FBXL20: variants seen among roughly 807,000 people sequenced by gnomAD.
FBXL20 encodes the protein F-box and leucine rich repeat protein 20.
FBXL20 carries 11 observed loss-of-function variants against 64.0 expected under a neutral mutation model. The observed-to-expected ratio is 0.17, with a 90% CI of 0.11 to 0.28. The LOEUF is 0.28. FBXL20 is among the 10% of genes least tolerant of loss of function. The pLI is 1.00. For missense variants in FBXL20, 303 were observed against 526.2 expected, an observed-to-expected ratio of 0.58 and a Z score of 4.15; for synonymous variants, 184 against 189.0, an observed-to-expected ratio of 0.97 and a Z score of 0.22.
intron 9 of FBXL20, among the ~76,000 whole-genome samples, chr17:39,277,754 C>CAAAAAAAAAAAAAAAAAAAATA (rs2046911763): frequency 1.1e-5 from 1 of 89,936 alleles, no homozygotes; most frequent in Non-Finnish European, 2.1e-5. Flanking sequence ...AACTCCGTCT[C>CAAAAAAAAAAAAAAAAAAAATA]AAAAAAAAAA....
At chr17:39,358,447 C>G (rs2047762674) in intron 1 of FBXL20, among the ~76,000 whole-genome samples, 1 of 152,168 alleles carries the variant, frequency 6.6e-6, no homozygotes, top group East Asian at 1.9e-4. Context: ...CTTTGGGAGG[C>G]TGAGGTGGGT....
chr17:39,336,321 A>G (rs1185626792), intron 2 of FBXL20, among the ~76,000 whole-genome samples: 1 of 152,214 alleles, frequency 6.6e-6, no homozygotes, highest in East Asian at 1.9e-4. Flanking sequence ...CAAATGTTGT[A>G]TATTTATTAA....
At chr17:39,298,918 T>C (rs980703050) in intron 5 of FBXL20, 72 bp downstream of exon 5, 2 of 1,213,388 alleles carry the variant, frequency 1.6e-6, no homozygotes, top group Non-Finnish European at 2.4e-6. Flanking sequence ...TTAACGATTT[T>C]AGCCTTTTCT....
intron 1 of FBXL20, among the ~76,000 whole-genome samples, chr17:39,363,245 C>G (rs1354595287): frequency 6.6e-6 from 1 of 151,840 alleles, no homozygotes; most frequent in Non-Finnish European, 1.5e-5. Context: ...AACTCCCAAC[C>G]TCAGGTGATC....
At chr17:39,288,946 GCCCA>G (rs2047012891) in intron 6 of FBXL20, among the ~76,000 whole-genome samples, 1 of 152,074 alleles carries the variant, frequency 6.6e-6, no homozygotes, top group Non-Finnish European at 1.5e-5. Flanking sequence ...CTTGTGATCT[GCCCA>G]CCTCGGCCTC....
intron 2 of FBXL20, among the ~76,000 whole-genome samples, chr17:39,331,443 A>C (rs1253851842): frequency 2.0e-5 from 3 of 152,118 alleles, no homozygotes; most frequent in Non-Finnish European, 4.4e-5. Flanking sequence ...CTACTCTTTA[A>C]GTCACAGCTC....
At position 39,259,918 on chromosome 17, in the gene FBXL20, A is replaced by C. The variant is rs2046729775; in HGVS notation, c.*1542T>G. The C allele has an allele frequency of 7.3e-6, 1 of 136,818 alleles. No individual in the cohort carries two copies. The highest frequency in any genetic ancestry group is 8.1e-5 in the Admixed American group (1 of 12,356). The allele number at this position is 136,818 out of a possible 1,614,324, so 8.5% of individuals were successfully genotyped here. A position where few individuals can be genotyped will look rare whatever the true frequency, so the allele number is the denominator to read the frequency against. The stretch of plus-strand genomic sequence containing the variant: ...AGAATCGCTTGAGCCTGGGAAGTGG[A>C]GGTTGCGGTGAGCCGAGATCGCACC... On this transcript the variant is annotated 3_prime_UTR_variant, in exon 15 of 15. Coordinates refer to ENST00000264658, the MANE Select transcript of FBXL20 (RefSeq NM_032875.3).
At chr17:39,396,604 A>C (rs1298457991) in intron 1 of FBXL20, among the ~76,000 whole-genome samples, 3 of 151,310 alleles carry the variant, frequency 2.0e-5, no homozygotes, top group Non-Finnish European at 4.4e-5. Context: ...CTCAAAAAAA[A>C]AAAAAAAGAA....
chr17:39,295,781 G>GGAGA (rs913984923), intron 6 of FBXL20, among the ~76,000 whole-genome samples: 1 of 123,218 alleles, frequency 8.1e-6, no homozygotes, highest in Non-Finnish European at 1.7e-5. Flanking sequence ...ATGCAAATAT[G>GGAGA]GAGATATATA....
chr17:39,325,652 A>C (rs1045251022), intron 2 of FBXL20, among the ~76,000 whole-genome samples: 1 of 152,172 alleles, frequency 6.6e-6, no homozygotes, highest in Non-Finnish European at 1.5e-5. Flanking sequence ...GAGCAACCAC[A>C]TTGTAAATTG....
intron 1 of FBXL20, among the ~76,000 whole-genome samples, chr17:39,348,638 T>C (rs550644140): frequency 1.3e-5 from 2 of 152,264 alleles, no homozygotes; most frequent in South Asian, 4.1e-4. Context: ...AGATACTATG[T>C]CACTATGGTC....
intron 1 of FBXL20, among the ~76,000 whole-genome samples, chr17:39,395,552 T>A (rs566588289): frequency 6.6e-6 from 1 of 152,356 alleles, no homozygotes; most frequent in Non-Finnish European, 1.5e-5. Flanking sequence ...GTATTTTCTA[T>A]AAGTTAGATA....
At chr17:39,274,352 A>G (rs2046872440) in intron 10 of FBXL20, among the ~76,000 whole-genome samples, 1 of 152,170 alleles carries the variant, frequency 6.6e-6, no homozygotes, top group African/African-American at 2.4e-5. Flanking sequence ...AGGCATACAC[A>G]ACACTACCTC....
chr17:39,313,217 A>G (rs2047252786), intron 2 of FBXL20, among the ~76,000 whole-genome samples: 1 of 142,176 alleles, frequency 7.0e-6, no homozygotes, highest in Admixed American at 7.0e-5. Flanking sequence ...GTGCCCGGCC[A>G]TCTTTTTGTT....
chr17:39,361,650 A>G (rs1485543562), intron 1 of FBXL20, among the ~76,000 whole-genome samples: 3 of 151,848 alleles, frequency 2.0e-5, no homozygotes, highest in Admixed American at 2.0e-4. Flanking sequence ...ACAAAAAATT[A>G]GCTGGGTGTG....
intron 1 of FBXL20, among the ~76,000 whole-genome samples, chr17:39,386,169 C>T (rs901024868): frequency 2.7e-5 from 4 of 148,612 alleles, no homozygotes; most frequent in Non-Finnish European, 5.9e-5. Flanking sequence ...CAGTGAAACC[C>T]GGTGGTACGT....
chr17:39,300,175 T>C (rs2047121732), intron 4 of FBXL20, among the ~76,000 whole-genome samples: 1 of 152,158 alleles, frequency 6.6e-6, no homozygotes, highest in Non-Finnish European at 1.5e-5. Flanking sequence ...ATGAAGGGTA[T>C]AGAATTGTGA....
intron 6 of FBXL20, among the ~76,000 whole-genome samples, chr17:39,290,537 A>C (rs1223249055): frequency 6.6e-6 from 1 of 152,172 alleles, no homozygotes; most frequent in Non-Finnish European, 1.5e-5. Flanking sequence ...ATACTTGATC[A>C]GGTTGAAGAA....
At chr17:39,317,186 T>C (rs2047300980) in intron 2 of FBXL20, among the ~76,000 whole-genome samples, 1 of 152,118 alleles carries the variant, frequency 6.6e-6, no homozygotes, top group Non-Finnish European at 1.5e-5. Flanking sequence ...GGATGAAAAA[T>C]GTGTGAAAAT....
Sources: allele counts gnomAD v4.1 joint callset (sites outside exome capture counted in the v4.1 genomes callset), GRCh38; gene constraint gnomAD v4.1.1; transcripts MANE v1.5; gene names NCBI Gene and HGNC (gene_info 2026-07-23, HGNC 2026-07-21).